TSSK4: variants seen among roughly 807,000 people sequenced by gnomAD.
TSSK4 encodes testis-specific serine/threonine-protein kinase 4.
Under a neutral mutation model 28.5 loss-of-function variants are expected in TSSK4, and 22 were observed. The ratio of observed to expected loss-of-function variants is 0.77; its 90% CI spans 0.55 to 1.10. The LOEUF (loss-of-function observed/expected upper bound fraction) is 1.10, where lower values mean the gene tolerates loss of function less well. Ranked by LOEUF, TSSK4 falls within the 50% of genes least tolerant of loss-of-function variation. The pLI is 0.00. For missense variants in TSSK4, 329 were observed against 415.4 expected (o/e 0.79, Z 1.81); for synonymous variants, 151 against 158.3 (o/e 0.95, Z 0.35).
In TSSK4 at chr14:24,207,489, A is replaced by AC; in HGVS notation, c.816dup (p.Ile273HisfsTer18). Reference sequence around the variant, plus strand: ...GGAGGTCACTTTCCCAGCTAACCATACCATCTCCCAGGAGTGCAAGGTACT... The same window carrying AC: ...GGAGGTCACTTTCCCAGCTAACCATACCCATCTCCCAGGAGTGCAAGGTACT... On this transcript the variant is annotated frameshift_variant, in exon 3 of 4. Transcript: ENST00000339917. LOFTEE classifies it high-confidence loss of function. 1.2e-6 allele frequency: 2 copies of AC among 1,610,888 alleles called. No individual in the cohort carries two copies. Among genetic ancestry groups the AC allele is most frequent in the Non-Finnish European group, 1.7e-6 (2 of 1,178,304 alleles).
At chr14:24,206,763 A>G (rs895540491) in intron 2 of TSSK4, 40 bp downstream of exon 2, 15 of 1,604,446 alleles carry the variant, frequency 9.3e-6, no homozygotes, top group Admixed American at 1.7e-5. Flanking sequence ...TTTGCCCTCA[A>G]GGGGGTTTTA....
Sources: gnomAD v4.1 joint callset for allele counts on GRCh38, gnomAD v4.1.1 for gene constraint, MANE v1.5 for transcripts, NCBI Gene and HGNC (gene_info 2026-07-23, HGNC 2026-07-21) for gene names.